TRNAU1AP: variants seen among roughly 807,000 people sequenced by gnomAD.
The protein encoded by TRNAU1AP is tRNA selenocysteine 1-associated protein 1.
In TRNAU1AP, 33 loss-of-function variants were observed where a neutral mutation model predicts 43.3. That is an observed-to-expected ratio of 0.76 (90% CI 0.58 to 1.02). The LOEUF is 1.02. Ranked by LOEUF, TRNAU1AP falls within the 50% of genes least tolerant of loss-of-function variation. The probability of loss-of-function intolerance (pLI) is 0.00; values close to 1 mark genes in which losing one functional copy is unlikely to be tolerated. For missense variants in TRNAU1AP, 290 were observed against 362.7 expected, an observed-to-expected ratio of 0.80 and a Z score of 1.63; for synonymous variants, 143 against 129.1, an observed-to-expected ratio of 1.11 and a Z score of -0.73.
At chr1:28,554,222 A>AAAAAAAC (rs1553121340) in intron 2 of TRNAU1AP, among the ~76,000 whole-genome samples, 6 of 142,736 alleles carry the variant, frequency 4.2e-5, no homozygotes, top group African/African-American at 8.8e-5. Context: ...ACAAAAAAAC[A>AAAAAAAC]AAAAACGCAG....
At chr1:28,561,737 A>G (rs945490609) in intron 4 of TRNAU1AP, among the ~76,000 whole-genome samples, 4 of 152,206 alleles carry the variant, frequency 2.6e-5, no homozygotes, top group African/African-American at 9.6e-5. Flanking sequence ...TAGGAGTTCA[A>G]GAATAGCCTG....
In TRNAU1AP at chr1:28,558,636, C is replaced by G. The variant is rs551183938; in HGVS notation, c.126-1997C>G. ...CTGGAGTGCAGTGGCGTGATGTCTG[C>G]TCACTGCAAGCTCTGCCTCCTGGGT... On this transcript the variant is annotated intron_variant, in intron 2 of 8. Transcript: ENST00000373830. Among the ~76,000 whole-genome samples, 3 of 146,176 alleles carry G rather than the reference C, an allele frequency of 2.1e-5. No individual in the cohort carries two copies. In the South Asian group the frequency reaches 6.4e-4, roughly 31 times the overall value.
intron 8 of TRNAU1AP, chr1:28,574,555 C>T (rs563029739): frequency 1.3e-5 from 2 of 152,170 alleles, no homozygotes; most frequent in African/African-American, 4.8e-5. Context: ...TTGTGCCCCA[C>T]CATAACTGGC....
intron 2 of TRNAU1AP, among the ~76,000 whole-genome samples, chr1:28,557,469 CTT>C (rs753718490): frequency 5.5e-4 from 65 of 118,106 alleles, no homozygotes; most frequent in Admixed American, 7.8e-4. Flanking sequence ...TTACATGTTT[CTT>C]TTTTTTTTTT....
At chr1:28,576,317 C>G (rs1665779821) in intron 8 of TRNAU1AP, among the ~76,000 whole-genome samples, 2 of 150,512 alleles carry the variant, frequency 1.3e-5, no homozygotes, top group African/African-American at 4.9e-5. Flanking sequence ...CCATGCCCAG[C>G]TAATTTTTTT....
Position 28,571,254 on chromosome 1 carries a change from C to A in TRNAU1AP, c.609C>A (p.Tyr203Ter). ...YNQYYQQYQN[Y>*]YAQWGYDQNT... ...AGTATTATCAGCAGTACCAGAACTA[C>A]TATGCTCAGTGGGGCTATGACCAGA... The change falls in exon 7 of 9, where the codon TAC becomes TAA. Residue 203 changes from tyrosine to a stop codon, truncating the protein, a stop_gained. Coordinates refer to ENST00000373830, the MANE Select transcript of TRNAU1AP (RefSeq NM_017846.5). LOFTEE classifies it high-confidence loss of function. 6.2e-7 allele frequency: 1 copy of A among 1,614,066 alleles called. No individual in the cohort carries two copies. Among genetic ancestry groups the A allele is most frequent in the Non-Finnish European group, 8.5e-7 (1 of 1,179,954 alleles).
chr1:28,556,704 G>A (rs765470879), intron 2 of TRNAU1AP, among the ~76,000 whole-genome samples: 2 of 151,768 alleles, frequency 1.3e-5, no homozygotes, highest in Non-Finnish European at 2.9e-5. Context: ...TGTTTTTTGA[G>A]ACGGAGTCTC....
chr1:28,562,623 C>G (rs1201524085), intron 4 of TRNAU1AP, among the ~76,000 whole-genome samples: 6 of 151,734 alleles, frequency 4.0e-5, no homozygotes, highest in African/African-American at 1.2e-4. Context: ...CTCTGTTGCC[C>G]AGGCTGGCGT....
In TRNAU1AP at chr1:28,577,664, T is replaced by A; in HGVS notation, c.*28T>A. 6.2e-7 allele frequency: 1 copy of A among 1,602,166 alleles called. No homozygotes were observed. Among genetic ancestry groups the A allele is most frequent in the Non-Finnish European group, 8.5e-7 (1 of 1,174,288 alleles). On this transcript the variant is annotated 3_prime_UTR_variant, in exon 9 of 9. Coordinates refer to ENST00000373830, the MANE Select transcript of TRNAU1AP (RefSeq NM_017846.5). ...AGGCCAAAGGACAAGCCAGGTTGCATGATGTGAGGGAGATGAGAGACTCCT... is the reference window on the plus strand; with the variant it reads ...AGGCCAAAGGACAAGCCAGGTTGCAAGATGTGAGGGAGATGAGAGACTCCT...
Position 28,577,734 on chromosome 1 carries a change from T to C in TRNAU1AP, c.*98T>C. ...TTTTTGGAAATATGATTTGTAAGAT[T>C]TTAATAATGACTGTTTTTGGAGATC... is the stretch of plus-strand genomic sequence containing the variant. On this transcript the variant is annotated 3_prime_UTR_variant, in exon 9 of 9. Transcript: ENST00000373830. The C allele has an allele frequency of 7.7e-7, 1 of 1,299,536 alleles. No homozygotes were observed. The highest frequency in any genetic ancestry group is 1.1e-6 in the Non-Finnish European group (1 of 937,576). The allele number at this position is 1,299,536 out of a possible 1,614,324, so 80.5% of individuals were successfully genotyped here. A position where few individuals can be genotyped will look rare whatever the true frequency, so the allele number is the denominator to read the frequency against.
intron 2 of TRNAU1AP, chr1:28,553,956 G>C (rs1180918783): frequency 1.6e-5 from 7 of 443,298 alleles, no homozygotes; most frequent in Admixed American, 1.4e-4. Flanking sequence ...CCAGCACTTT[G>C]GGAGGCTGAG....
chr1:28,567,527 T>C, intron 6 of TRNAU1AP, 114 bp downstream of exon 6: 1 of 1,291,770 alleles, frequency 7.7e-7, no homozygotes, highest in Non-Finnish European at 1.0e-6. Flanking sequence ...GGGGATCCAA[T>C]TCAAGTCACA....
chr1:28,571,803 G>A (rs1438679431), intron 7 of TRNAU1AP, 64 bp from the exon 8 acceptor site: 4 of 1,244,210 alleles, frequency 3.2e-6, no homozygotes, highest in Non-Finnish European at 4.6e-6. Flanking sequence ...AAAAATATAA[G>A]CCACTGTGGT....
chr1:28,555,759 C>G (rs986437946), intron 2 of TRNAU1AP, among the ~76,000 whole-genome samples: 7 of 152,108 alleles, frequency 4.6e-5, no homozygotes, highest in African/African-American at 1.4e-4. Flanking sequence ...AGATCGTGCC[C>G]ACCTAAATAT....
At chr1:28,562,187 C>T (rs556044004) in intron 4 of TRNAU1AP, among the ~76,000 whole-genome samples, 1 of 152,344 alleles carries the variant, frequency 6.6e-6, no homozygotes, top group East Asian at 1.9e-4. Context: ...GCTTAAAAAA[C>T]ATTTATATGC....
intron 2 of TRNAU1AP, among the ~76,000 whole-genome samples, chr1:28,557,088 C>T (rs1312551080): frequency 1.3e-5 from 2 of 151,730 alleles, no homozygotes; most frequent in South Asian, 2.1e-4. Context: ...TGCTGGATTA[C>T]AGGCATGAGC....
intron 8 of TRNAU1AP, among the ~76,000 whole-genome samples, chr1:28,575,871 T>TG: frequency 7.4e-6 from 1 of 135,066 alleles, no homozygotes; most frequent in Middle Eastern, 3.9e-3. Context: ...TTTTTTTTTT[T>TG]TTTTTTTGAG....
At chr1:28,570,237 C>T (rs1665634464) in intron 6 of TRNAU1AP, among the ~76,000 whole-genome samples, 1 of 152,080 alleles carries the variant, frequency 6.6e-6, no homozygotes, top group African/African-American at 2.4e-5. Context: ...GCGTGAGCTA[C>T]CACGTCTGTC....
At chr1:28,569,086 C>T (rs376971213) in intron 6 of TRNAU1AP, among the ~76,000 whole-genome samples, 45 of 152,222 alleles carry the variant, frequency 3.0e-4, no homozygotes, top group African/African-American at 1.1e-3. Context: ...GCTGGGATTA[C>T]AGGCGTGAGC....
Sources: allele counts gnomAD v4.1 joint callset (sites outside exome capture counted in the v4.1 genomes callset), GRCh38; gene constraint gnomAD v4.1.1; transcripts MANE v1.5; gene names NCBI Gene and HGNC (gene_info 2026-07-23, HGNC 2026-07-21).